LSAMP: variants seen among roughly 807,000 people sequenced by gnomAD.
LSAMP encodes limbic system associated membrane protein.
A neutral mutation model predicts 38.6 loss-of-function variants in LSAMP; 7 were observed. The observed-to-expected ratio is 0.18, with a 90% confidence interval of 0.10 to 0.34. The LOEUF (loss-of-function observed/expected upper bound fraction) is 0.34. Ranked by LOEUF, LSAMP falls within the 10% of genes least tolerant of loss-of-function variation. The probability of loss-of-function intolerance (pLI) is 1.00; values close to 1 mark genes in which losing one functional copy is unlikely to be tolerated. For synonymous variants in LSAMP, 154 were observed against 166.8 expected (o/e 0.92, Z 0.59); for missense variants, 313 against 420.0 (o/e 0.75, Z 2.23).
At chr3:116,431,535 T>C (rs1019412052) in intron 1 of LSAMP, among the ~76,000 whole-genome samples, 1 of 152,108 alleles carries the variant, frequency 6.6e-6, no homozygotes, top group Non-Finnish European at 1.5e-5. Flanking sequence ...ATTATGAAAC[T>C]GTTTCTGTTT....
chr3:115,918,405 A>G (rs1016924821), intron 3 of LSAMP, among the ~76,000 whole-genome samples: 1 of 152,224 alleles, frequency 6.6e-6, no homozygotes, highest in African/African-American at 2.4e-5. Context: ...TCCAGATTCA[A>G]TCATTCAGGC....
intron 1 of LSAMP, among the ~76,000 whole-genome samples, chr3:116,142,473 G>T (rs924739935): frequency 2.0e-5 from 3 of 151,998 alleles, no homozygotes; most frequent in Admixed American, 2.0e-4. Flanking sequence ...AGTTAAGAAG[G>T]TTATAATCTC....
At chr3:116,336,224 C>T (rs770151888) in intron 1 of LSAMP, among the ~76,000 whole-genome samples, 2 of 151,806 alleles carry the variant, frequency 1.3e-5, no homozygotes, top group African/African-American at 2.4e-5. Flanking sequence ...GGCTATGACA[C>T]CAAAGGCACA....
intron 1 of LSAMP, among the ~76,000 whole-genome samples, chr3:116,229,710 A>G (rs1054880078): frequency 1.3e-5 from 2 of 152,186 alleles, no homozygotes; most frequent in African/African-American, 2.4e-5. Flanking sequence ...AAGATGACAA[A>G]ACTCAAAGAA....
intron 1 of LSAMP, among the ~76,000 whole-genome samples, chr3:116,434,056 C>T (rs11925304): frequency 0.016 from 2,387 of 152,260 alleles, 75 homozygotes; most frequent in African/African-American, 0.055. Context: ...GTATTTCTAA[C>T]CAAATCTCTT....
chr3:116,356,145 C>T (rs778808023), intron 1 of LSAMP, among the ~76,000 whole-genome samples: 15 of 152,152 alleles, frequency 9.9e-5, no homozygotes, highest in Non-Finnish European at 1.3e-4. Flanking sequence ...TTTATTACAG[C>T]GCTATTCACA....
At chr3:115,914,566 G>A (rs899924647) in intron 3 of LSAMP, among the ~76,000 whole-genome samples, 6 of 152,122 alleles carry the variant, frequency 3.9e-5, no homozygotes, top group Non-Finnish European at 8.8e-5. Flanking sequence ...CGATAGTCTT[G>A]ACATTGTTTT....
chr3:116,221,844 AGTGT>A (rs58596077), intron 1 of LSAMP, among the ~76,000 whole-genome samples: 169 of 145,468 alleles, frequency 1.2e-3, no homozygotes, highest in African/African-American at 3.5e-3. Context: ...CCTAAAAAGA[AGTGT>A]GTGTGTGTGT....
intron 6 of LSAMP, among the ~76,000 whole-genome samples, chr3:115,818,417 A>G (rs1290268201): frequency 6.6e-6 from 1 of 152,092 alleles, no homozygotes; most frequent in Admixed American, 6.5e-5. Flanking sequence ...GATTTCAAGC[A>G]ATTGTTCAGA....
intron 1 of LSAMP, among the ~76,000 whole-genome samples, chr3:116,284,084 T>A (rs2047163662): frequency 6.6e-6 from 1 of 152,182 alleles, no homozygotes; most frequent in South Asian, 2.1e-4. Flanking sequence ...TTTTAATATG[T>A]GGTCAGGAGG....
At chr3:116,395,721 G>T (rs1044530845) in intron 1 of LSAMP, among the ~76,000 whole-genome samples, 2 of 152,156 alleles carry the variant, frequency 1.3e-5, no homozygotes, top group African/African-American at 4.8e-5. Flanking sequence ...TTCATGGAAG[G>T]GGAATATGTT....
chr3:115,915,790 G>A (rs1187210625), intron 3 of LSAMP, among the ~76,000 whole-genome samples: 5 of 151,932 alleles, frequency 3.3e-5, no homozygotes, highest in African/African-American at 9.7e-5. Flanking sequence ...GCACCACCAC[G>A]CCCGGCTAAT....
chr3:115,829,459 C>T (rs1218112544), intron 6 of LSAMP, among the ~76,000 whole-genome samples: 1 of 152,202 alleles, frequency 6.6e-6, no homozygotes, highest in Non-Finnish European at 1.5e-5. Flanking sequence ...TAAATTGGTG[C>T]TGACATGTCT....
chr3:116,077,846 T>C (rs1707780910), intron 2 of LSAMP, among the ~76,000 whole-genome samples: 1 of 152,220 alleles, frequency 6.6e-6, no homozygotes, highest in Non-Finnish European at 1.5e-5. Context: ...TTATGAAGAT[T>C]AGAGGCCAGT....
intron 6 of LSAMP, among the ~76,000 whole-genome samples, chr3:115,840,045 C>T (rs530946997): frequency 6.6e-6 from 1 of 152,080 alleles, no homozygotes; most frequent in East Asian, 1.9e-4. Flanking sequence ...TTCCCTTCTC[C>T]CTCAAGTATT....
chr3:115,837,422 T>C (rs930525538), intron 6 of LSAMP, among the ~76,000 whole-genome samples: 2 of 152,050 alleles, frequency 1.3e-5, no homozygotes, highest in Non-Finnish European at 2.9e-5. Flanking sequence ...AATATTCTCC[T>C]CCTTATTCTC....
chr3:116,119,937 G>A (rs1446184008), intron 1 of LSAMP, among the ~76,000 whole-genome samples: 2 of 152,070 alleles, frequency 1.3e-5, no homozygotes, highest in East Asian at 3.9e-4. Flanking sequence ...GGGATTACAG[G>A]TGTGAGCCAC....
chr3:116,426,391 G>A (rs2049196300), intron 1 of LSAMP, among the ~76,000 whole-genome samples: 1 of 150,040 alleles, frequency 6.7e-6, no homozygotes, highest in Non-Finnish European at 1.5e-5. Flanking sequence ...AACCCGGGAG[G>A]TGGAGGTTGC....
At chr3:116,360,099 G>C (rs2107777942) in intron 1 of LSAMP, 1 of 151,426 alleles carries the variant, frequency 6.6e-6, no homozygotes, top group Middle Eastern at 3.2e-3. Context: ...CTGAGGTACT[G>C]GGTTCATCTC....
Sources: allele counts gnomAD v4.1 joint callset (sites outside exome capture counted in the v4.1 genomes callset), GRCh38; gene constraint gnomAD v4.1.1; transcripts MANE v1.5; gene names NCBI Gene and HGNC (gene_info 2026-07-23, HGNC 2026-07-21).